CELF5: variants seen among roughly 807,000 people sequenced by gnomAD.
CELF5 encodes CUGBP Elav-like family member 5.
A neutral mutation model predicts 54.9 loss-of-function variants in CELF5; 6 were observed. That is an observed-to-expected ratio of 0.11 (90% confidence interval 0.06 to 0.22). The LOEUF is 0.22. CELF5 is among the 10% of genes least tolerant of loss of function. The pLI, the probability that CELF5 is intolerant of heterozygous loss-of-function variation, is 1.00. For synonymous variants in CELF5, 271 were observed against 290.9 expected (o/e 0.93, Z 0.70); for missense variants, 401 against 678.6 (o/e 0.59, Z 4.54).
At chr19:3,261,359 A>G (rs1376800692) in intron 2 of CELF5, among the ~76,000 whole-genome samples, 1 of 151,986 alleles carries the variant, frequency 6.6e-6, no homozygotes, top group Non-Finnish European at 1.5e-5. Context: ...TGAAGGTTGC[A>G]GTGAGCCGAG....
Position 3,228,107 on chromosome 19 carries a change from AAG to A in CELF5, c.259+3129_259+3130del, listed in dbSNP as rs528618840. 1.2e-3 allele frequency among the ~76,000 whole-genome samples: 176 copies of A among 148,344 alleles called. No homozygotes were observed. Among genetic ancestry groups the A allele is most frequent in the South Asian group, 9.4e-3 (44 of 4,670 alleles). The stretch of plus-strand genomic sequence containing the variant: ...GCCCTGGGGCGCTGGGTTTGTTTTT[AAG>A]AGAGAGAGAGAGAGAGAGATGAGGA... On this transcript the variant is annotated intron_variant, in intron 1 of 12. Transcript: ENST00000292672. This position sits in a 1 kb window ranked among gnomAD's most constrained non-coding sequence, Gnocchi z 6.0.
chr19:3,236,322 C>T (rs1917597121), intron 1 of CELF5, among the ~76,000 whole-genome samples: 1 of 152,114 alleles, frequency 6.6e-6, no homozygotes, highest in South Asian at 2.1e-4. Flanking sequence ...AGGGAGGGTC[C>T]TGTGTCCTTT....
intron 2 of CELF5, among the ~76,000 whole-genome samples, chr19:3,254,629 TACCC>T (rs1231008728): frequency 1.4e-5 from 2 of 144,264 alleles, no homozygotes; most frequent in Admixed American, 1.4e-4. Flanking sequence ...ACTCATTACC[TACCC>T]ACCCACCCAC....
Position 3,281,914 on chromosome 19 carries a change from T to C in CELF5, c.751-212T>C, listed in dbSNP as rs892827374. 6.6e-6 allele frequency among the ~76,000 whole-genome samples: 1 copy of C among 151,742 alleles called. No individual in the cohort carries two copies. The highest frequency in any genetic ancestry group is 2.4e-5 in the African/African-American group (1 of 41,294). ...GCTGAGCCCCAATTCCTGACTAGAT[T>C]GAGCCCTGATCTCAGCCTGAGCCTC... On this transcript the variant is annotated intron_variant, in intron 6 of 12. Coordinates refer to ENST00000292672, the MANE Select transcript of CELF5 (RefSeq NM_021938.4). The surrounding 1 kb of genome is among the most constrained non-coding windows in gnomAD (Gnocchi z 6.5).
intron 1 of CELF5, among the ~76,000 whole-genome samples, chr19:3,236,169 T>C (rs1917591990): frequency 6.6e-6 from 1 of 152,052 alleles, no homozygotes. Flanking sequence ...AATCAAGGCA[T>C]TTATGCGTGC....
chr19:3,250,897 C>CCGTATCA, intron 1 of CELF5, 88 bp from the exon 2 acceptor site: 1 of 862,136 alleles, frequency 1.2e-6, no homozygotes, highest in Non-Finnish European at 1.9e-6. Flanking sequence ...GCTTGGGTTG[C>CCGTATCA]TTCCACCTAG....
intron 2 of CELF5, among the ~76,000 whole-genome samples, chr19:3,258,399 G>A (rs975538450): frequency 1.3e-5 from 2 of 151,980 alleles, no homozygotes; most frequent in African/African-American, 2.4e-5. Context: ...TGGGATTACA[G>A]GCATGAGCCA....
rs116434737 is a variant in CELF5, at chr19:3,273,683, C to T, written c.343-189C>T. 5.4e-3 allele frequency among the ~76,000 whole-genome samples: 824 copies of T among 152,204 alleles called. 5 individuals carry two copies. The highest frequency in any genetic ancestry group is 0.019 in the African/African-American group (785 of 41,528). The stretch of plus-strand genomic sequence containing the variant: ...TGTTGGGTTTTGAGAGCTAAGAGTT[C>T]GCCACACAGTTTCCGCTGTAGGTGG... On this transcript the variant is annotated intron_variant, in intron 2 of 12. Transcript: ENST00000292672.
intron 1 of CELF5, among the ~76,000 whole-genome samples, chr19:3,244,132 G>A (rs920049917): frequency 6.6e-6 from 1 of 151,968 alleles, no homozygotes; most frequent in East Asian, 1.9e-4. Flanking sequence ...AGCTAGAAAC[G>A]ACAAGCAAAG....
chr19:3,282,048 T>A lies in CELF5; in HGVS notation c.751-78T>A. Reference sequence around the variant, plus strand: ...CCAGCCTGACCTCCTCACTAGTAACTGGGGTACCAAGCCTCCCCTCATAAG... The same window carrying A: ...CCAGCCTGACCTCCTCACTAGTAACAGGGGTACCAAGCCTCCCCTCATAAG... On this transcript the variant is annotated intron_variant, in intron 6 of 12. Transcript: ENST00000292672. The surrounding 1 kb of genome is among the most constrained non-coding windows in gnomAD (Gnocchi z 5.2). 6.5e-7 allele frequency: 1 copy of A among 1,529,932 alleles called. No individual in the cohort carries two copies. Among genetic ancestry groups the A allele is most frequent in the South Asian group, 1.1e-5 (1 of 88,414 alleles). 94.8% of individuals were successfully genotyped at this position (1,529,932 alleles called of 1,614,324 possible).
intron 4 of CELF5, among the ~76,000 whole-genome samples, chr19:3,276,916 T>A (rs948582442): frequency 3.3e-5 from 5 of 152,030 alleles, no homozygotes; most frequent in Non-Finnish European, 7.4e-5. Context: ...CAGAGTTACC[T>A]GTGCCCTGTG....
intron 12 of CELF5, chr19:3,296,355 A>AAC (rs2080446723): frequency 7.7e-6 from 1 of 129,902 alleles, no homozygotes; most frequent in African/African-American, 2.7e-5. Context: ...AAAAAAAAAA[A>AAC]CCAAGCATTT....
chr19:3,291,292 G>A (rs1370890004), intron 11 of CELF5, among the ~76,000 whole-genome samples: 2 of 151,792 alleles, frequency 1.3e-5, no homozygotes, highest in East Asian at 1.9e-4. Context: ...ATGGCCAGGC[G>A]CAGTGGCTCA....
intron 2 of CELF5, among the ~76,000 whole-genome samples, chr19:3,256,341 G>A (rs115111202): frequency 1.3e-5 from 2 of 152,006 alleles, no homozygotes; most frequent in Non-Finnish European, 2.9e-5. Context: ...GACTCCCCCA[G>A]ATTGGGAGCC....
At chr19:3,291,821 G>C (rs546809072) in intron 11 of CELF5, among the ~76,000 whole-genome samples, 1 of 152,146 alleles carries the variant, frequency 6.6e-6, no homozygotes, top group Middle Eastern at 3.4e-3. Flanking sequence ...GCCTCAGGGA[G>C]GACTTCCTTG....
intron 2 of CELF5, among the ~76,000 whole-genome samples, chr19:3,269,903 T>C (rs2145209587): frequency 6.6e-6 from 1 of 152,296 alleles, no homozygotes; most frequent in East Asian, 1.9e-4. Context: ...TCTCCCTTCT[T>C]TCTGGTCTTG....
intron 2 of CELF5, among the ~76,000 whole-genome samples, chr19:3,254,287 C>T (rs1384451931): frequency 6.6e-6 from 1 of 151,952 alleles, no homozygotes; most frequent in Non-Finnish European, 1.5e-5. Flanking sequence ...TTTCCATCCA[C>T]CCATCACCCA....
rs1467503027 is a variant in CELF5 at position 3,268,126 on chromosome 19, G to A, written c.343-5746G>A. On this transcript the variant is annotated intron_variant, in intron 2 of 12. Transcript: ENST00000292672. The surrounding 1 kb of genome is among the most constrained non-coding windows in gnomAD (Gnocchi z 4.4). ...CAATTCTTCTGCCTCAGCCTCCCGA[G>A]TAGCTGGGATTACAGGTGCCCGCCA... is the stretch of plus-strand genomic sequence containing the variant. 6.6e-6 allele frequency among the ~76,000 whole-genome samples: 1 copy of A among 152,108 alleles called. No individual in the cohort carries two copies. The highest frequency in any genetic ancestry group is 1.5e-5 in the Non-Finnish European group (1 of 68,026).
chr19:3,262,000 T>C lies in CELF5; in HGVS notation c.342+10933T>C, dbSNP rs751671005. ...TGTTGAGCCTTTGAATTGGGACGAGTGTACTCAGAAACTGATTTTTAAAAT... is the reference window on the plus strand; with the variant it reads ...TGTTGAGCCTTTGAATTGGGACGAGCGTACTCAGAAACTGATTTTTAAAAT... On this transcript the variant is annotated intron_variant, in intron 2 of 12. Transcript: ENST00000292672. Among the ~76,000 whole-genome samples the C allele has an allele frequency of 6.4e-4, 97 of 152,166 alleles. 1 individual carries two copies. Among genetic ancestry groups the C allele is most frequent in the Admixed American group, 1.2e-3 (18 of 15,260 alleles).
Sources: allele counts gnomAD v4.1 joint callset (sites outside exome capture counted in the v4.1 genomes callset), GRCh38; gene constraint gnomAD v4.1.1; non-coding constraint Gnocchi (gnomAD v3.1); transcripts MANE v1.5; gene names NCBI Gene and HGNC (gene_info 2026-07-23, HGNC 2026-07-21).